Variants in PAG1 observed in about 807,000 individuals in gnomAD.
PAG1 encodes the protein phosphoprotein membrane anchor with glycosphingolipid microdomains 1, also known as phosphoprotein associated with glycosphingolipid-enriched microdomains 1.
Under a neutral mutation model 31.7 loss-of-function variants are expected in PAG1, and 23 were observed. That is an observed-to-expected ratio of 0.73 (90% CI 0.52 to 1.03). The LOEUF (loss-of-function observed/expected upper bound fraction) is 1.03, where lower values mean the gene tolerates loss of function less well. Ranked by LOEUF, PAG1 falls within the 50% of genes least tolerant of loss-of-function variation. PAG1 has a pLI of 0.00. For missense variants in PAG1, 473 were observed against 540.7 expected, an observed-to-expected ratio of 0.87 and a Z score of 1.24; for synonymous variants, 214 against 210.3, an observed-to-expected ratio of 1.02 and a Z score of -0.15.
In PAG1 at chr8:80,985,139, G is replaced by A; in HGVS notation, c.513C>T (p.Ser171=). ...GPYEVLKDSS[S]QENMVEDCLY... is the part of the protein sequence containing the mutation. ...AGCAGTCCTCCACCATGTTTTCTTG[G>A]GAGGAGCTGTCCTTGAGCACTTCAT... Residue 171 remains serine (S), a synonymous_variant, in exon 7 of 9, where the codon TCC becomes TCT. Transcript: ENST00000220597. 1 of 1,614,040 alleles carries A rather than the reference G, an allele frequency of 6.2e-7. No individual in the cohort carries two copies. The highest frequency in any genetic ancestry group is 8.5e-7 in the Non-Finnish European group (1 of 1,179,988).
In PAG1 at chr8:81,028,226, C is replaced by T. The variant is rs150603964; in HGVS notation, c.-81+1770G>A. Among the ~76,000 whole-genome samples the T allele has an allele frequency of 7.9e-5, 12 of 152,320 alleles. No individual in the cohort carries two copies. The East Asian group carries it at 1.7e-3, about 22-fold the overall frequency. On this transcript the variant is annotated intron_variant, in intron 3 of 8. Coordinates refer to ENST00000220597, the MANE Select transcript of PAG1 (RefSeq NM_018440.4). ...CACAGCCAGCTCAGTTTCCAGTTCA[C>T]GGTTTGCATGCTGCTTTGAGCCTTT... is the stretch of plus-strand genomic sequence containing the variant.
In PAG1 at chr8:80,984,881, T is replaced by C. The variant is rs562069039; in HGVS notation, c.771A>G (p.Pro257=). 4.0e-5 allele frequency: 65 copies of C among 1,614,156 alleles called. No homozygotes were observed. The South Asian group carries it at 4.9e-4, about 12-fold the overall frequency. Reference sequence around the variant, plus strand: ...CCAGAAGCTTAACAGGGACAGGTGGTGGGGCCTCCTCTTCTGGATCACATG... The same window carrying C: ...CCAGAAGCTTAACAGGGACAGGTGGCGGGGCCTCCTCTTCTGGATCACATG... ...GNSCDPEEEA[P]PPVPVKLLDE... The change falls in exon 7 of 9, where the codon CCA becomes CCG. Residue 257 remains proline (P), a synonymous_variant. Transcript: ENST00000220597.
chr8:81,102,288 AAGAT>A (rs1224118313), intron 1 of PAG1, among the ~76,000 whole-genome samples: 2 of 152,186 alleles, frequency 1.3e-5, no homozygotes, highest in Non-Finnish European at 2.9e-5. Context: ...ATTCAGAACT[AAGAT>A]AGCTGCCTAA....
At chr8:81,108,768 C>T (rs1809731468) in intron 1 of PAG1, among the ~76,000 whole-genome samples, 1 of 152,182 alleles carries the variant, frequency 6.6e-6, no homozygotes, top group South Asian at 2.1e-4. Context: ...GCTCACACAG[C>T]ACCCCGGAAT....
intron 3 of PAG1, among the ~76,000 whole-genome samples, chr8:80,993,802 C>T (rs1177585369): frequency 3.3e-5 from 5 of 151,916 alleles, no homozygotes; most frequent in Non-Finnish European, 7.4e-5. Context: ...GACGAAGTCT[C>T]ACCATATTGC....
intron 3 of PAG1, among the ~76,000 whole-genome samples, chr8:81,014,600 CTGT>C (rs1429614128): frequency 1.3e-5 from 2 of 152,126 alleles, no homozygotes; most frequent in Admixed American, 6.5e-5. Flanking sequence ...TTCAATATTT[CTGT>C]TGTTGTTAAC....
intron 2 of PAG1, among the ~76,000 whole-genome samples, chr8:81,044,905 A>AC (rs34523559): frequency 6.6e-6 from 1 of 150,962 alleles, no homozygotes; most frequent in East Asian, 1.9e-4. Flanking sequence ...TGTTTCTGGC[A>AC]CCCCCCTCCC....
At chr8:81,091,422 T>A (rs1344728830) in intron 1 of PAG1, among the ~76,000 whole-genome samples, 1 of 152,128 alleles carries the variant, frequency 6.6e-6, no homozygotes, top group African/African-American at 2.4e-5. Context: ...GAGAAATGCA[T>A]CACTGGGCAA....
At chr8:81,003,902 A>G (rs1312046851) in intron 3 of PAG1, among the ~76,000 whole-genome samples, 3 of 152,170 alleles carry the variant, frequency 2.0e-5, no homozygotes, top group Non-Finnish European at 4.4e-5. Context: ...AGTTAGGTGG[A>G]TGTCAGGAAG....
At chr8:80,985,602 C>T (rs1807402509) in intron 6 of PAG1, among the ~76,000 whole-genome samples, 1 of 152,206 alleles carries the variant, frequency 6.6e-6, no homozygotes, top group Non-Finnish European at 1.5e-5. Context: ...AATAAGTTAT[C>T]TTGGCTCTAA....
At chr8:81,062,767 C>T (rs947247348) in intron 2 of PAG1, among the ~76,000 whole-genome samples, 2 of 152,088 alleles carry the variant, frequency 1.3e-5, no homozygotes, top group African/African-American at 2.4e-5. Context: ...CAGCCACAAA[C>T]TCCAGGACTC....
intron 2 of PAG1, among the ~76,000 whole-genome samples, chr8:81,067,290 G>A (rs1270777676): frequency 3.9e-5 from 6 of 152,188 alleles, no homozygotes; most frequent in South Asian, 2.1e-4. Context: ...TTCCTTGAGA[G>A]TATTAAATTT....
chr8:80,991,569 C>T, intron 4 of PAG1, 39 bp from the exon 5 acceptor site: 1 of 1,507,032 alleles, frequency 6.6e-7, no homozygotes, highest in Non-Finnish European at 9.2e-7. Flanking sequence ...TCAAATGTGC[C>T]CCCTTAAAAT....
chr8:81,106,577 G>A (rs1307924452), intron 1 of PAG1, among the ~76,000 whole-genome samples: 4 of 152,006 alleles, frequency 2.6e-5, no homozygotes. Context: ...TCAAGGATGG[G>A]GGCAAATGAG....
chr8:81,026,295 C>T (rs1450797097), intron 3 of PAG1, among the ~76,000 whole-genome samples: 5 of 151,418 alleles, frequency 3.3e-5, no homozygotes, highest in African/African-American at 7.3e-5. Flanking sequence ...TTTCAGTGAG[C>T]GCAGATAGCA....
chr8:81,056,909 G>T (rs887533895), intron 2 of PAG1, among the ~76,000 whole-genome samples: 30 of 152,280 alleles, frequency 2.0e-4, no homozygotes, highest in African/African-American at 6.7e-4. Context: ...AGTGGGCAAA[G>T]GATATGAACA....
chr8:81,010,837 T>C (rs1003778223), intron 3 of PAG1, among the ~76,000 whole-genome samples: 6 of 152,228 alleles, frequency 3.9e-5, no homozygotes, highest in African/African-American at 1.4e-4. Flanking sequence ...TGACTTCTCA[T>C]GTGCTTTTTC....
chr8:81,036,430 T>C lies in PAG1; in HGVS notation c.-174-6341A>G, dbSNP rs183340559. Among the ~76,000 whole-genome samples the C allele has an allele frequency of 1.5e-3, 228 of 152,336 alleles. 1 individual carries two copies. Among genetic ancestry groups the C allele is most frequent in the African/African-American group, 5.1e-3 (211 of 41,580 alleles). ...TTAAACTAATGCATGATATTTCTCA[T>C]TAACCTGTCTGAATTCCCTGACAGG... On this transcript the variant is annotated intron_variant, in intron 2 of 8. Transcript: ENST00000220597.
intron 5 of PAG1, among the ~76,000 whole-genome samples, chr8:80,988,246 G>A (rs755681273): frequency 7.9e-5 from 12 of 152,158 alleles, no homozygotes; most frequent in Non-Finnish European, 1.5e-4. Flanking sequence ...TTACAACACA[G>A]GTGCTGTAAA....
Sources: gnomAD v4.1 joint callset for allele counts (sites outside exome capture counted in the v4.1 genomes callset) on GRCh38, gnomAD v4.1.1 for gene constraint, MANE v1.5 for transcripts, NCBI Gene and HGNC (gene_info 2026-07-23, HGNC 2026-07-21) for gene names.